HEATR1: variants seen among roughly 807,000 people sequenced by gnomAD.
The protein encoded by HEATR1 is HEAT repeat containing 1.
Under a neutral mutation model 248.2 loss-of-function variants are expected in HEATR1, and 77 were observed. The ratio of observed to expected loss-of-function variants is 0.31; its 90% CI spans 0.26 to 0.37. The LOEUF (loss-of-function observed/expected upper bound fraction) is 0.37, where lower values mean the gene tolerates loss of function less well. HEATR1 is among the 10% of genes least tolerant of loss of function. HEATR1 has a pLI of 1.00. For synonymous variants in HEATR1, 897 were observed against 923.1 expected (o/e 0.97, Z 0.51); for missense variants, 2,420 against 2,504.9 (o/e 0.97, Z 0.72).
chr1:236,564,800 C>T (rs1254985289), intron 31 of HEATR1, 139 bp from the exon 32 acceptor site: 1 of 777,980 alleles, frequency 1.3e-6, no homozygotes. Flanking sequence ...CTATTACATC[C>T]AGTTTCTCCT....
At chr1:236,564,999 A>G (rs956430061) in intron 31 of HEATR1, among the ~76,000 whole-genome samples, 1 of 152,208 alleles carries the variant, frequency 6.6e-6, no homozygotes, top group East Asian at 1.9e-4. Flanking sequence ...GTCTAATGTA[A>G]ATGGGGTTGG....
chr1:236,595,667 G>C lies in HEATR1; in HGVS notation c.963C>G (p.Phe321Leu), dbSNP rs1664159280. The change falls in exon 8 of 45, where the codon TTC becomes TTG. Residue 321 changes from phenylalanine to leucine, a missense_variant. Coordinates refer to ENST00000366582, the MANE Select transcript of HEATR1 (RefSeq NM_018072.6). ...GATCAGGAACATTACATAAGTGAGGGAATGGCCTTTGAAGAAGCAAAAGTA... is the reference window on the plus strand; with the variant it reads ...GATCAGGAACATTACATAAGTGAGGCAATGGCCTTTGAAGAAGCAAAAGTA... ...QKPESLGKKP[F>L]PHLCNVPDLI... is the part of the protein sequence containing the mutation. 2 of 1,610,812 alleles carry C rather than the reference G, an allele frequency of 1.2e-6. No individual in the cohort carries two copies. The highest frequency in any genetic ancestry group is 2.7e-5 in the African/African-American group (2 of 74,832).
At chr1:236,575,367 T>C (rs915399306) in intron 22 of HEATR1, among the ~76,000 whole-genome samples, 54 of 152,216 alleles carry the variant, frequency 3.5e-4, no homozygotes, top group Admixed American at 1.4e-3. Flanking sequence ...CACCTGTTTT[T>C]GTAAATTTTA....
In HEATR1 at chr1:236,602,016, G is replaced by GT. The variant is rs1442149077; in HGVS notation, c.359+1143dup. Among the ~76,000 whole-genome samples the GT allele has an allele frequency of 3.9e-5, 6 of 151,968 alleles. No individual in the cohort carries two copies. The East Asian group carries it at 9.7e-4, about 25-fold the overall frequency. On this transcript the variant is annotated intron_variant, in intron 3 of 44. Transcript: ENST00000366582. ...TAACTGGGCGTAGTGGTATGTGCCT[G>GT]TAATCCCAGCTACTTGGGAGGCTGA...
At position 236,581,528 on chromosome 1, in the gene HEATR1, T is replaced by C; in HGVS notation, c.2563-114A>G. ...GAAACAAATAATTTAAGGCAAAGTTTTGCTTTGTCTAATCATTTCAAATTA... is the reference window on the plus strand; with the variant it reads ...GAAACAAATAATTTAAGGCAAAGTTCTGCTTTGTCTAATCATTTCAAATTA... On this transcript the variant is annotated intron_variant, in intron 19 of 44. Transcript: ENST00000366582. 4 of 705,404 alleles carry C rather than the reference T, an allele frequency of 5.7e-6. No individual in the cohort carries two copies. In the South Asian group the frequency reaches 7.4e-5, roughly 13 times the overall value. 43.7% of individuals were successfully genotyped at this position (705,404 alleles called of 1,614,324 possible).
intron 29 of HEATR1, among the ~76,000 whole-genome samples, chr1:236,567,218 TA>T (rs1663296131): frequency 6.6e-6 from 1 of 152,116 alleles, no homozygotes; most frequent in African/African-American, 2.4e-5. Flanking sequence ...TGGCCTCAAA[TA>T]ATCCCACCTC....
Position 236,572,449 on chromosome 1 carries a change from A to T in HEATR1, c.3669T>A (p.Pro1223=). The T allele has an allele frequency of 6.2e-7, 1 of 1,614,112 alleles. No individual in the cohort carries two copies. The highest frequency in any genetic ancestry group is 8.5e-7 in the Non-Finnish European group (1 of 1,179,970). The change falls in exon 26 of 45, where the codon CCT becomes CCA. Residue 1223 remains proline, a synonymous_variant. Coordinates refer to ENST00000366582, the MANE Select transcript of HEATR1 (RefSeq NM_018072.6). The stretch of plus-strand genomic sequence containing the variant: ...TAAAAAGAGTTGGCACCAATATCTG[A>T]GGACTTCTGAGCTTCTTTTTGTGCT... ...LLQHKKKLRS[P]QILVPTLFNL...
At chr1:236,566,537 C>T (rs1663275256) in intron 30 of HEATR1, 109 bp downstream of exon 30, 1 of 824,604 alleles carries the variant, frequency 1.2e-6, no homozygotes, top group East Asian at 2.7e-5. Flanking sequence ...CAAAAAGGTT[C>T]TAAATAACAC....
chr1:236,591,377 GA>G (rs1445270323), intron 11 of HEATR1, among the ~76,000 whole-genome samples: 1 of 152,066 alleles, frequency 6.6e-6, no homozygotes, highest in Non-Finnish European at 1.5e-5. Context: ...AGACTAAAAA[GA>G]AAGTCTTATC....
chr1:236,558,682 A>G (rs1462758404), intron 35 of HEATR1, among the ~76,000 whole-genome samples, 153 bp from the exon 36 acceptor site: 1 of 152,220 alleles, frequency 6.6e-6, no homozygotes, highest in Admixed American at 6.5e-5. Context: ...TGTTCTAGCC[A>G]GTGTTTCACT....
At chr1:236,603,459 C>G in intron 2 of HEATR1, 83 bp from the exon 3 acceptor site, 1 of 1,068,712 alleles carries the variant, frequency 9.4e-7, no homozygotes, top group Non-Finnish European at 1.4e-6. Context: ...TTTACTTACC[C>G]CTAAGAAGTT....
At chr1:236,553,290 TTTG>T (rs1447568420) in intron 43 of HEATR1, among the ~76,000 whole-genome samples, 1 of 152,262 alleles carries the variant, frequency 6.6e-6, no homozygotes, top group African/African-American at 2.4e-5. Context: ...ACTTCAAATC[TTTG>T]TTATTTAAAA....
chr1:236,603,855 A>C, intron 2 of HEATR1, 99 bp downstream of exon 2: 1 of 1,273,886 alleles, frequency 7.9e-7, no homozygotes. Context: ...GCTAAGGAAG[A>C]GGACGGGACA....
chr1:236,593,584 G>GAAAAAA (rs534009257), intron 9 of HEATR1, among the ~76,000 whole-genome samples: 71 of 90,810 alleles, frequency 7.8e-4, no homozygotes, highest in Middle Eastern at 5.1e-3. Flanking sequence ...CCCATTAAGA[G>GAAAAAA]AAAAAAAAAA....
At chr1:236,570,215 A>G (rs953062234) in intron 28 of HEATR1, among the ~76,000 whole-genome samples, 3 of 152,170 alleles carry the variant, frequency 2.0e-5, no homozygotes, top group African/African-American at 2.4e-5. Flanking sequence ...CATGAACCCA[A>G]GAGGCAGAGC....
chr1:236,560,766 C>T (rs770679395), intron 33 of HEATR1, among the ~76,000 whole-genome samples: 2 of 152,248 alleles, frequency 1.3e-5, no homozygotes, highest in South Asian at 2.1e-4. Context: ...TTAGAATCCA[C>T]AGAATAAAGA....
chr1:236,559,173 C>T (rs1446679973), intron 34 of HEATR1, 38 bp from the exon 35 acceptor site: 1 of 1,494,886 alleles, frequency 6.7e-7, no homozygotes, highest in Non-Finnish European at 9.0e-7. Flanking sequence ...AAAAGAAAAA[C>T]AAATTAAAAA....
Position 236,603,341 on chromosome 1 carries a change from G to A in HEATR1, c.178C>T (p.Pro60Ser). 1 of 1,614,064 alleles carries A rather than the reference G, an allele frequency of 6.2e-7. No individual in the cohort carries two copies. The highest frequency in any genetic ancestry group is 8.5e-7 in the Non-Finnish European group (1 of 1,179,998). Residue 60 changes from proline to serine, a missense_variant, in exon 3 of 45, where the codon CCT becomes TCT. Physicochemically the swap from Pro to Ser is moderately conservative, Grantham distance 74. Coordinates refer to ENST00000366582, the MANE Select transcript of HEATR1 (RefSeq NM_018072.6). ...TGLEELLGID[P>S]SFEQFEAPLF... ...GGTGCTTCAAACTGCTCAAAGGAAG[G>A]ATCAATTCCAAGCAACTCTTCCAGG...
chr1:236,558,410 T>C lies in HEATR1; in HGVS notation c.5031A>G (p.Leu1677=), dbSNP rs1663034768. Residue 1677 remains leucine (L), a synonymous_variant, in exon 36 of 45, where the codon TTA becomes TTG. Coordinates refer to ENST00000366582, the MANE Select transcript of HEATR1 (RefSeq NM_018072.6). ...RQTALYTLKL[L]CKNFGAENPD... is the part of the protein sequence containing the mutation. The stretch of plus-strand genomic sequence containing the variant: ...GATTTTCTGCACCAAAATTCTTGCA[T>C]AAAAGCTTTAAGGTATACAACGCTG... The C allele has an allele frequency of 6.2e-7, 1 of 1,614,106 alleles. No homozygotes were observed. Among genetic ancestry groups the C allele is most frequent in the Admixed American group, 1.7e-5 (1 of 60,006 alleles).
Sources: gnomAD v4.1 joint callset for allele counts (sites outside exome capture counted in the v4.1 genomes callset) on GRCh38, gnomAD v4.1.1 for gene constraint, MANE v1.5 for transcripts, NCBI Gene and HGNC (gene_info 2026-07-23, HGNC 2026-07-21) for gene names.